ERC2: variants seen among roughly 807,000 people sequenced by gnomAD.
ERC2 encodes the protein ERC protein 2.
A neutral mutation model predicts 114.8 loss-of-function variants in ERC2; 42 were observed. That is an observed-to-expected ratio of 0.37 (90% CI 0.29 to 0.47). ERC2 has a LOEUF of 0.47. Ranked by LOEUF, ERC2 falls within the 20% of genes least tolerant of loss-of-function variation. The probability of loss-of-function intolerance (pLI) is 0.99; values close to 1 mark genes in which losing one functional copy is unlikely to be tolerated. For missense variants in ERC2, 939 were observed against 1,150.7 expected (o/e 0.82, Z 2.66); for synonymous variants, 454 against 425.5 (o/e 1.07, Z -0.82).
At chr3:55,599,966 C>T (rs1338877105) in intron 17 of ERC2, among the ~76,000 whole-genome samples, 7 of 151,998 alleles carry the variant, frequency 4.6e-5, no homozygotes, top group African/African-American at 1.7e-4. Flanking sequence ...TGTGAGGCAC[C>T]GAGGCAGAAG....
At chr3:56,435,201 G>A (rs988989317) in intron 1 of ERC2, 54 bp from the exon 2 acceptor site, 6 of 554,806 alleles carry the variant, frequency 1.1e-5, no homozygotes, top group Non-Finnish European at 1.6e-5. Context: ...AACTCTAACT[G>A]CATTGTATTT....
At chr3:55,548,986 A>G (rs181443173) in intron 17 of ERC2, among the ~76,000 whole-genome samples, 6 of 152,366 alleles carry the variant, frequency 3.9e-5, no homozygotes, top group Admixed American at 1.3e-4. Flanking sequence ...CATCTTGGCA[A>G]CAAAATCAGA....
At chr3:55,759,114 G>A (rs1239086807) in intron 14 of ERC2, among the ~76,000 whole-genome samples, 4 of 152,038 alleles carry the variant, frequency 2.6e-5, no homozygotes, top group Non-Finnish European at 5.9e-5. Context: ...TGACATTTCA[G>A]CCTCCCCCAG....
chr3:55,947,823 A>G (rs2067228387), intron 13 of ERC2, among the ~76,000 whole-genome samples: 1 of 152,212 alleles, frequency 6.6e-6, no homozygotes, highest in South Asian at 2.1e-4. Flanking sequence ...TTGCTAACTG[A>G]CACATCTCTA....
chr3:56,182,776 A>G (rs2083357784), intron 3 of ERC2, among the ~76,000 whole-genome samples: 1 of 152,174 alleles, frequency 6.6e-6, no homozygotes, highest in Non-Finnish European at 1.5e-5. Context: ...TGACACCTCC[A>G]TTGGCTTCTT....
chr3:56,406,352 C>A (rs963974555), intron 2 of ERC2, among the ~76,000 whole-genome samples: 1 of 152,170 alleles, frequency 6.6e-6, no homozygotes, highest in Non-Finnish European at 1.5e-5. Flanking sequence ...CACTATACCT[C>A]CTTCTCCAGT....
chr3:55,688,058 G>C (rs1038216701), intron 16 of ERC2, among the ~76,000 whole-genome samples: 3 of 152,200 alleles, frequency 2.0e-5, no homozygotes, highest in Admixed American at 2.0e-4. Context: ...AGGTGATGGG[G>C]TCAGGTATGG....
At chr3:56,331,868 G>T (rs143667068) in intron 2 of ERC2, among the ~76,000 whole-genome samples, 2,246 of 152,290 alleles carry the variant, frequency 0.015, 21 homozygotes, top group South Asian at 0.03. Context: ...GATCCCAAAA[G>T]CTAGGCAGAT....
chr3:55,823,401 A>C (rs936254946), intron 14 of ERC2, among the ~76,000 whole-genome samples: 1 of 152,116 alleles, frequency 6.6e-6, no homozygotes, highest in Admixed American at 6.5e-5. Context: ...TACTTTGGCA[A>C]ATGGCCTTCC....
intron 6 of ERC2, among the ~76,000 whole-genome samples, chr3:56,103,901 C>T (rs2078501325): frequency 6.6e-6 from 1 of 151,948 alleles, no homozygotes; most frequent in South Asian, 2.1e-4. Context: ...TGAGAAGATA[C>T]AGAATAGCTG....
chr3:56,347,771 G>T (rs1220089160), intron 2 of ERC2, among the ~76,000 whole-genome samples: 3 of 152,036 alleles, frequency 2.0e-5, no homozygotes, highest in African/African-American at 7.2e-5. Context: ...CTTCCTACAA[G>T]CTTCTAAATT....
At chr3:56,256,138 C>T (rs1419077790) in intron 3 of ERC2, among the ~76,000 whole-genome samples, 1 of 152,206 alleles carries the variant, frequency 6.6e-6, no homozygotes, top group Non-Finnish European at 1.5e-5. Flanking sequence ...TGTCTGAAAG[C>T]TTTAAAGTGA....
chr3:55,580,051 T>A (rs2057181531), intron 17 of ERC2, among the ~76,000 whole-genome samples: 1 of 152,232 alleles, frequency 6.6e-6, no homozygotes, highest in Non-Finnish European at 1.5e-5. Flanking sequence ...AAAGGTGATA[T>A]GATAGTTTGG....
chr3:55,617,581 C>T (rs1480955172), intron 17 of ERC2, among the ~76,000 whole-genome samples: 1 of 152,182 alleles, frequency 6.6e-6, no homozygotes, highest in Non-Finnish European at 1.5e-5. Flanking sequence ...GAAAGACCTG[C>T]AGGCCTAATT....
intron 12 of ERC2, among the ~76,000 whole-genome samples, chr3:55,970,712 G>A (rs528317758): frequency 1.3e-5 from 2 of 152,222 alleles, no homozygotes; most frequent in South Asian, 4.1e-4. Context: ...AGAATGCAGA[G>A]AATTTAGAAC....
rs1291151202 is a variant in ERC2 at position 56,072,658 on chromosome 3, T to C, written c.1641+8159A>G. ...CAAATGTATGAAAAGATATATTTAA[T>C]GTGAATATAGAAATAAGATTTTCAA... On this transcript the variant is annotated intron_variant, in intron 7 of 17. Coordinates refer to ENST00000288221, the MANE Select transcript of ERC2 (RefSeq NM_015576.3). 2.6e-5 allele frequency among the ~76,000 whole-genome samples: 4 copies of C among 152,208 alleles called. No individual in the cohort carries two copies. The East Asian group carries it at 5.8e-4, about 22-fold the overall frequency.
At chr3:55,870,224 G>A (rs998372421) in intron 14 of ERC2, among the ~76,000 whole-genome samples, 9 of 152,104 alleles carry the variant, frequency 5.9e-5, no homozygotes, top group Admixed American at 4.6e-4. Flanking sequence ...ACAGACGCCC[G>A]TCACCACGCC....
chr3:56,075,120 G>A (rs556363070), intron 7 of ERC2, among the ~76,000 whole-genome samples: 2 of 118,556 alleles, frequency 1.7e-5, no homozygotes, highest in East Asian at 5.1e-4. Flanking sequence ...CCCCCAGACT[G>A]CAGTGTCAGC....
intron 3 of ERC2, among the ~76,000 whole-genome samples, chr3:56,260,953 A>G (rs1383888252): frequency 6.6e-6 from 1 of 152,108 alleles, no homozygotes; most frequent in African/African-American, 2.4e-5. Flanking sequence ...TGTCCACTCT[A>G]TTGGTATTCT....
Sources: gnomAD v4.1 joint callset for allele counts (sites outside exome capture counted in the v4.1 genomes callset) on GRCh38, gnomAD v4.1.1 for gene constraint, MANE v1.5 for transcripts, NCBI Gene and HGNC (gene_info 2026-07-23, HGNC 2026-07-21) for gene names.